Variants in CTSC observed in about 807,000 individuals in gnomAD.
The protein encoded by CTSC is dipeptidyl peptidase 1.
CTSC carries 37 observed loss-of-function variants against 40.9 expected under a neutral mutation model. The ratio of observed to expected loss-of-function variants is 0.91; its 90% CI spans 0.70 to 1.19. The LOEUF (loss-of-function observed/expected upper bound fraction) is 1.19, where lower values mean the gene tolerates loss of function less well. Among genes scored for constraint, CTSC ranks in the 50% most tolerant of loss-of-function variants. The pLI is 0.00. For missense variants in CTSC, 594 were observed against 567.3 expected (o/e 1.05, Z -0.48); for synonymous variants, 232 against 207.4 (o/e 1.12, Z -1.02).
chr11:88,314,366 A>G (rs970677654), intron 2 of CTSC, among the ~76,000 whole-genome samples: 3 of 152,214 alleles, frequency 2.0e-5, no homozygotes, highest in Non-Finnish European at 4.4e-5. Flanking sequence ...GACTCTCTGA[A>G]TTCAAATCAT....
chr11:88,306,542 T>C (rs1226460046), intron 4 of CTSC, among the ~76,000 whole-genome samples: 2 of 151,096 alleles, frequency 1.3e-5, no homozygotes, highest in African/African-American at 4.9e-5. Context: ...TGGAGAGTGG[T>C]GGGACAGCAC....
At chr11:88,311,921 G>C (rs1937765062) in intron 3 of CTSC, among the ~76,000 whole-genome samples, 1 of 152,154 alleles carries the variant, frequency 6.6e-6, no homozygotes, top group South Asian at 2.1e-4. Flanking sequence ...CCTTCCTTAA[G>C]CCACCCAGTC....
At chr11:88,303,835 G>T (rs999047826) in intron 4 of CTSC, among the ~76,000 whole-genome samples, 1 of 152,088 alleles carries the variant, frequency 6.6e-6, no homozygotes, top group South Asian at 2.1e-4. Context: ...GGAAATGAAG[G>T]TCTTATGACC....
rs2134763135 is a variant in CTSC, at chr11:88,294,186, AT to A, written c.1211del (p.Asn404IlefsTer50). On this transcript the variant is annotated frameshift_variant, in exon 7 of 7. Coordinates refer to ENST00000227266, the MANE Select transcript of CTSC (RefSeq NM_001814.6). LOFTEE classifies it high-confidence loss of function. Reference protein sequence around the residue: ...RDPFNPFELTNHAVLLVGYGT... With the variant: ...RDPFNPFELTXHAVLLVGYGT... ...CATAGCCCACAAGCAGAACAGCATGATTAGTCAGCTCAAAGGGGTTGAAAGG... is the reference window on the plus strand; with the variant it reads ...CATAGCCCACAAGCAGAACAGCATGATAGTCAGCTCAAAGGGGTTGAAAGG... 1 of 1,613,892 alleles carries A rather than the reference AT, an allele frequency of 6.2e-7. No individual in the cohort carries two copies. The highest frequency in any genetic ancestry group is 1.3e-5 in the African/African-American group (1 of 74,964).
At chr11:88,330,341 G>A (rs1417787774) in intron 2 of CTSC, among the ~76,000 whole-genome samples, 1 of 152,056 alleles carries the variant, frequency 6.6e-6, no homozygotes, top group African/African-American at 2.4e-5. Flanking sequence ...AGGATGCTGA[G>A]TAAGAAAAAA....
rs776888605 is a variant in CTSC, at chr11:88,293,886, A to G, written c.*120T>C. On this transcript the variant is annotated 3_prime_UTR_variant, in exon 7 of 7. Transcript: ENST00000227266. ...GGCAGTTTTAATTCTGAAGACAAAT[A>G]TCTTCATGGAAATCTATTTGTAAGC... 1.7e-5 allele frequency: 21 copies of G among 1,224,160 alleles called. No homozygotes were observed. In the East Asian group the frequency reaches 1.9e-4, roughly 11 times the overall value. The allele number at this position is 1,224,160 out of a possible 1,614,324, so 75.8% of individuals were successfully genotyped here.
At chr11:88,329,565 T>C (rs371976044) in intron 2 of CTSC, among the ~76,000 whole-genome samples, 104 of 151,106 alleles carry the variant, frequency 6.9e-4, no homozygotes, top group Non-Finnish European at 1.1e-3. Context: ...GTGGAGAGAA[T>C]GCTACACAGA....
intron 3 of CTSC, among the ~76,000 whole-genome samples, chr11:88,311,659 A>C (rs988364205): frequency 2.6e-5 from 4 of 152,234 alleles, no homozygotes; most frequent in African/African-American, 9.6e-5. Context: ...CCTGTATCAC[A>C]GCCATATGAC....
intron 3 of CTSC, among the ~76,000 whole-genome samples, chr11:88,311,020 C>T (rs555274311): frequency 3.1e-4 from 47 of 151,944 alleles, no homozygotes; most frequent in South Asian, 6.3e-4. Flanking sequence ...TAAGATCCAA[C>T]GAGATTAAAA....
Position 88,337,537 on chromosome 11 carries a change from TG to T in CTSC, c.135del (p.Ser46AlafsTer19). The T allele has an allele frequency of 6.3e-7, 1 of 1,577,008 alleles. No homozygotes were observed. Among genetic ancestry groups the T allele is most frequent in the South Asian group, 1.2e-5 (1 of 86,220 alleles). On this transcript the variant is annotated frameshift_variant, in exon 1 of 7. Coordinates refer to ENST00000227266, the MANE Select transcript of CTSC (RefSeq NM_001814.6). LOFTEE classifies it high-confidence loss of function. ...CAGTTGACATCGCGCTGGGAACCGC[TG>T]GAGCCCACCTGGAAGACCCAGGTGC... ...LLGTWVFQVG[S>X]SGSQRDVNCS...
At chr11:88,300,753 C>A (rs1944350869) in intron 4 of CTSC, 108 bp from the exon 5 acceptor site, 2 of 755,152 alleles carry the variant, frequency 2.6e-6, no homozygotes, top group Non-Finnish European at 4.7e-6. Context: ...TAGCTAGGAT[C>A]TAGATTCAGA....
chr11:88,316,542 C>T (rs563799494), intron 2 of CTSC, among the ~76,000 whole-genome samples: 2 of 151,658 alleles, frequency 1.3e-5, no homozygotes, highest in East Asian at 1.9e-4. Flanking sequence ...ATCTCATGGG[C>T]TGTGTTTTAT....
At chr11:88,297,239 T>G (rs1177317342) in intron 5 of CTSC, 1 of 152,224 alleles carries the variant, frequency 6.6e-6, no homozygotes, top group African/African-American at 2.4e-5. Context: ...TATCTTTTGT[T>G]TTCAAAACCA....
intron 2 of CTSC, among the ~76,000 whole-genome samples, chr11:88,319,726 A>G (rs1937954921): frequency 6.6e-6 from 1 of 152,210 alleles, no homozygotes; most frequent in Non-Finnish European, 1.5e-5. Context: ...GTACAGTGAT[A>G]CATGTATATA....
rs139973958 is a variant in CTSC, at chr11:88,302,625, C to CA, written c.642-1981dup. Among the ~76,000 whole-genome samples, 27 of 80,028 alleles carry CA rather than the reference C, an allele frequency of 3.4e-4. 1 individual carries two copies. The highest frequency in any genetic ancestry group is 5.3e-4 in the Non-Finnish European group (23 of 43,368). The allele number at this position is 80,028 out of a possible 152,430, so 52.5% of individuals were successfully genotyped here. On this transcript the variant is annotated intron_variant, in intron 4 of 6. Transcript: ENST00000227266. ...CGGGTGACAGAGCAAGACTCCGCCT[C>CA]AAAAAAAAAAAAAAAAAAAAAAAAA...
rs1156300894 is a variant in CTSC, at chr11:88,308,501, C to T, written c.641+662G>A. ...TTTTATTTTATTTTATTTTATCTTA[C>T]CTTATCTTATTTTATTTTATTTTAT... is the stretch of plus-strand genomic sequence containing the variant. On this transcript the variant is annotated intron_variant, in intron 4 of 6. Coordinates refer to ENST00000227266, the MANE Select transcript of CTSC (RefSeq NM_001814.6). 2.1e-4 allele frequency among the ~76,000 whole-genome samples: 31 copies of T among 146,350 alleles called. 1 individual carries two copies. The South Asian group carries it at 6.6e-3, about 31-fold the overall frequency.
Position 88,325,722 on chromosome 11 carries a change from T to C in CTSC, c.318+9215A>G, listed in dbSNP as rs1230394067. On this transcript the variant is annotated intron_variant, in intron 2 of 6. Transcript: ENST00000227266. ...AAGAAAAGAAAAAAAATAGGGTGTTTACGATACCATCTTTCTGGCCAGAGG... is the reference window on the plus strand; with the variant it reads ...AAGAAAAGAAAAAAAATAGGGTGTTCACGATACCATCTTTCTGGCCAGAGG... 8 of 985,414 alleles carry C rather than the reference T, an allele frequency of 8.1e-6. No homozygotes were observed. In the East Asian group the frequency reaches 4.5e-4, roughly 56 times the overall value. The allele number at this position is 985,414 out of a possible 1,614,324, so 61.0% of individuals were successfully genotyped here. A position where few individuals can be genotyped will look rare whatever the true frequency, so the allele number is the denominator to read the frequency against.
chr11:88,322,993 C>T (rs1363782570), intron 2 of CTSC: 1 of 152,148 alleles, frequency 6.6e-6, no homozygotes, highest in East Asian at 1.9e-4. Flanking sequence ...TCCAATATCC[C>T]TGATGAACTT....
intron 2 of CTSC, chr11:88,324,837 A>G: frequency 4.1e-6 from 4 of 985,406 alleles, no homozygotes; most frequent in Non-Finnish European, 4.8e-6. Flanking sequence ...CAGAGGTGAG[A>G]TAGATAAAAG....
Sources: allele counts gnomAD v4.1 joint callset (sites outside exome capture counted in the v4.1 genomes callset), GRCh38; gene constraint gnomAD v4.1.1; transcripts MANE v1.5; gene names NCBI Gene and HGNC (gene_info 2026-07-23, HGNC 2026-07-21).